The following LRP11 variants were observed in gnomAD, a reference collection of about 807,000 sequenced individuals.
LRP11 encodes the protein LDL receptor related protein 11.
Under a neutral mutation model 43.1 loss-of-function variants are expected in LRP11, and 25 were observed. That is an observed-to-expected ratio of 0.58 (90% CI 0.42 to 0.81). The LOEUF is 0.81. LRP11 is among the 30% of genes least tolerant of loss of function. The pLI is 0.00. For missense variants in LRP11, 623 were observed against 665.1 expected (o/e 0.94, Z 0.70); for synonymous variants, 316 against 299.4 (o/e 1.06, Z -0.57).
chr6:149,858,488 T>C (rs1034243216), intron 1 of LRP11, among the ~76,000 whole-genome samples: 1 of 152,176 alleles, frequency 6.6e-6, no homozygotes, highest in Non-Finnish European at 1.5e-5. Context: ...CTATTGTGAA[T>C]AGTGCCACAA....
At chr6:149,858,473 C>T (rs971014136) in intron 1 of LRP11, among the ~76,000 whole-genome samples, 1 of 152,090 alleles carries the variant, frequency 6.6e-6, no homozygotes, top group African/African-American at 2.4e-5. Context: ...GGTTCCAAGT[C>T]TTTGCTATTG....
chr6:149,824,859 C>T (rs1776319411), intron 6 of LRP11, among the ~76,000 whole-genome samples: 1 of 152,058 alleles, frequency 6.6e-6, no homozygotes. Context: ...GACTCGATGT[C>T]TCAAAAACAA....
intron 5 of LRP11, 43 bp downstream of exon 5, chr6:149,836,042 A>G: frequency 6.4e-7 from 1 of 1,557,722 alleles, no homozygotes; most frequent in Non-Finnish European, 8.9e-7. Flanking sequence ...GTTTGGCTAC[A>G]GAAAACAAGG....
At chr6:149,838,371 G>A (rs1776500123) in intron 3 of LRP11, among the ~76,000 whole-genome samples, 1 of 151,970 alleles carries the variant, frequency 6.6e-6, no homozygotes, top group South Asian at 2.1e-4. Context: ...GTTATGGGCT[G>A]GCATGAATTT....
intron 2 of LRP11, among the ~76,000 whole-genome samples, chr6:149,847,214 G>A (rs895035300): frequency 6.6e-6 from 1 of 152,184 alleles, no homozygotes; most frequent in Non-Finnish European, 1.5e-5. Context: ...GGGGCTGAAA[G>A]GACAGAGCAT....
intron 3 of LRP11, 61 bp from the exon 4 acceptor site, chr6:149,837,524 T>G: frequency 6.4e-7 from 1 of 1,568,916 alleles, no homozygotes; most frequent in Non-Finnish European, 8.7e-7. Context: ...AAGATGGGGA[T>G]GACAAAGGGG....
chr6:149,835,311 T>C (rs1161341791), intron 5 of LRP11, among the ~76,000 whole-genome samples: 1 of 152,212 alleles, frequency 6.6e-6, no homozygotes, highest in Non-Finnish European at 1.5e-5. Flanking sequence ...TTAATGTATT[T>C]TAGGCCAGGT....
chr6:149,842,292 T>C (rs1266865759), intron 3 of LRP11, among the ~76,000 whole-genome samples: 2 of 152,128 alleles, frequency 1.3e-5, no homozygotes, highest in Non-Finnish European at 2.9e-5. Context: ...GAGGAGAGTA[T>C]ATATTTATGA....
chr6:149,822,283 T>C (rs1776286761), intron 6 of LRP11, among the ~76,000 whole-genome samples: 1 of 151,642 alleles, frequency 6.6e-6, no homozygotes, highest in African/African-American at 2.4e-5. Flanking sequence ...GAGGCTGTTA[T>C]GAGCCATGAT....
At chr6:149,850,840 T>C (rs1776707963) in intron 2 of LRP11, among the ~76,000 whole-genome samples, 1 of 152,212 alleles carries the variant, frequency 6.6e-6, no homozygotes, top group African/African-American at 2.4e-5. Flanking sequence ...AGGTACTTAG[T>C]AATCTTTTGC....
rs767503879 is a variant in LRP11 at position 149,843,022 on chromosome 6, C to T, written c.874G>A (p.Val292Met). ...DTAGQRSSDNVSVTVLRAAYS... is the reference protein window; with the variant it reads ...DTAGQRSSDNMSVTVLRAAYS... The stretch of plus-strand genomic sequence containing the variant: ...GCTGCGCGAAGCACTGTCACTGACA[C>T]GTTGTCAGAGCTTCTCTGCCCGGCA... Residue 292 changes from valine to methionine, a missense_variant, in exon 3 of 7, where the codon GTG becomes ATG. Val to Met is a conservative substitution (Grantham distance 21). Transcript: ENST00000239367. 2.7e-5 allele frequency: 43 copies of T among 1,614,210 alleles called. 2 individuals are homozygous for T. The South Asian group carries it at 3.5e-4, about 13-fold the overall frequency.
chr6:149,823,362 T>G (rs576297465), intron 6 of LRP11, among the ~76,000 whole-genome samples: 1 of 152,060 alleles, frequency 6.6e-6, no homozygotes, highest in Non-Finnish European at 1.5e-5. Flanking sequence ...GAAACAGAGA[T>G]GAAAAACACG....
rs115021938 is a variant in LRP11, at chr6:149,840,219, A to T, written c.914-2756T>A. On this transcript the variant is annotated intron_variant, in intron 3 of 6. Coordinates refer to ENST00000239367, the MANE Select transcript of LRP11 (RefSeq NM_032832.6). ...CCAATACATACAATGCAGGGGAGGG[A>T]AACACTTGTCTCTTCTACCTCTATT... Among the ~76,000 whole-genome samples the T allele has an allele frequency of 1.9e-3, 286 of 152,210 alleles. 3 individuals carry two copies. The highest frequency in any genetic ancestry group is 6.5e-3 in the African/African-American group (272 of 41,528).
rs1356028322 is a variant in LRP11, at chr6:149,842,689, T to C, written c.913+294A>G. 3.2e-6 allele frequency: 5 copies of C among 1,550,668 alleles called. No individual in the cohort carries two copies. The South Asian group carries it at 4.8e-5, about 15-fold the overall frequency. ...ATGGACCATCCATCTGTAAACAAAG[T>C]CCTCTCCCAGAATAGCCAAGCAATT... On this transcript the variant is annotated intron_variant, in intron 3 of 6. Transcript: ENST00000239367.
chr6:149,855,662 T>G (rs1014586680), intron 1 of LRP11, among the ~76,000 whole-genome samples: 2 of 150,298 alleles, frequency 1.3e-5, no homozygotes, highest in Non-Finnish European at 2.9e-5. Flanking sequence ...CTTTTCTGAA[T>G]GAGAATGCTG....
intron 2 of LRP11, among the ~76,000 whole-genome samples, chr6:149,846,806 T>C (rs527240785): frequency 1.8e-3 from 275 of 152,032 alleles, no homozygotes; most frequent in African/African-American, 6.3e-3. Context: ...AGGTGGTGCA[T>C]GCCTGTAGTC....
At chr6:149,840,395 C>T (rs998833248) in intron 3 of LRP11, among the ~76,000 whole-genome samples, 2 of 152,132 alleles carry the variant, frequency 1.3e-5, no homozygotes, top group African/African-American at 4.8e-5. Context: ...TATACTCAAG[C>T]GGCCACTGAG....
chr6:149,833,241 A>G (rs1776432330), intron 5 of LRP11, among the ~76,000 whole-genome samples: 1 of 152,164 alleles, frequency 6.6e-6, no homozygotes, highest in Admixed American at 6.5e-5. Context: ...CCGGCCAATA[A>G]TGCACTTTTA....
chr6:149,836,477 C>T (rs1776473137), intron 4 of LRP11, among the ~76,000 whole-genome samples, 180 bp from the exon 5 acceptor site: 1 of 152,176 alleles, frequency 6.6e-6, no homozygotes, highest in African/African-American at 2.4e-5. Context: ...GTAATCTGTT[C>T]TTTCTTCTTC....
Sources: allele counts gnomAD v4.1 joint callset (sites outside exome capture counted in the v4.1 genomes callset), GRCh38; gene constraint gnomAD v4.1.1; transcripts MANE v1.5; gene names NCBI Gene and HGNC (gene_info 2026-07-23, HGNC 2026-07-21).